Variants in CRYBB1 observed in about 807,000 individuals in gnomAD.
The protein encoded by CRYBB1 is beta-crystallin B1.
A neutral mutation model predicts 29.5 loss-of-function variants in CRYBB1; 16 were observed. The ratio of observed to expected loss-of-function variants is 0.54; its 90% CI spans 0.37 to 0.82. The LOEUF (loss-of-function observed/expected upper bound fraction) is 0.82. Ranked by LOEUF, CRYBB1 falls within the 40% of genes least tolerant of loss-of-function variation. CRYBB1 has a pLI of 0.00. For missense variants in CRYBB1, 300 were observed against 350.5 expected (o/e 0.86, Z 1.15); for synonymous variants, 127 against 136.7 (o/e 0.93, Z 0.49).
At chr22:26,604,349 C>T (rs563279354) in intron 4 of CRYBB1, among the ~76,000 whole-genome samples, 12 of 152,162 alleles carry the variant, frequency 7.9e-5, no homozygotes, top group Middle Eastern at 3.2e-3. Context: ...ATACCCAGTA[C>T]GTAGTTGGTG....
intron 4 of CRYBB1, among the ~76,000 whole-genome samples, chr22:26,604,696 G>A (rs1030011981): frequency 3.3e-5 from 5 of 152,196 alleles, no homozygotes; most frequent in African/African-American, 1.2e-4. Context: ...GTGTGGCCAG[G>A]GTGCAGGAAG....
At position 26,612,055 on chromosome 22, in the gene CRYBB1, C is replaced by T. The variant is rs116534812; in HGVS notation, c.299+17G>A. On this transcript the variant is annotated intron_variant, in intron 3 of 5. Transcript: ENST00000647684. ...TACTGTGGCAGAGAGTGTGCCCCTCCGCCGCCCAGTACTCACGGTCCCGCG... is the reference window on the plus strand; with the variant it reads ...TACTGTGGCAGAGAGTGTGCCCCTCTGCCGCCCAGTACTCACGGTCCCGCG... 3.8e-5 allele frequency: 60 copies of T among 1,571,268 alleles called. No homozygotes were observed. Among genetic ancestry groups the T allele is most frequent in the South Asian group, 8.9e-5 (8 of 90,208 alleles).
In CRYBB1 at chr22:26,600,592, C is replaced by T. The variant is rs550852183; in HGVS notation, c.576-919G>A. Among the ~76,000 whole-genome samples the T allele has an allele frequency of 2.0e-5, 3 of 152,226 alleles. No individual in the cohort carries two copies. In the South Asian group the frequency reaches 6.2e-4, roughly 32 times the overall value. ...TCTGTACAGTGGGGATGATAATGCA[C>T]CCACCTCCTTGGTTTGTTATGAAGA... On this transcript the variant is annotated intron_variant, in intron 5 of 5. Transcript: ENST00000647684.
intron 4 of CRYBB1, among the ~76,000 whole-genome samples, chr22:26,603,495 A>G (rs995598636): frequency 6.6e-6 from 1 of 151,818 alleles, no homozygotes; most frequent in Admixed American, 6.6e-5. Flanking sequence ...ACACCACTGC[A>G]CTCCAGCCTG....
intron 4 of CRYBB1, among the ~76,000 whole-genome samples, chr22:26,604,613 G>C (rs1208945136): frequency 7.9e-5 from 12 of 152,124 alleles, no homozygotes; most frequent in Admixed American, 3.9e-4. Flanking sequence ...AGGGAAGGAG[G>C]GTTGAGGGAA....
intron 2 of CRYBB1, among the ~76,000 whole-genome samples, chr22:26,612,542 A>G (rs1313928464): frequency 6.6e-6 from 1 of 152,164 alleles, no homozygotes; most frequent in African/African-American, 2.4e-5. Flanking sequence ...TTGTAGAGAC[A>G]GGATTTTGCC....
intron 2 of CRYBB1, among the ~76,000 whole-genome samples, chr22:26,615,212 C>G (rs1310406227): frequency 6.6e-6 from 1 of 152,150 alleles, no homozygotes; most frequent in East Asian, 1.9e-4. Context: ...GAAACCACAC[C>G]AAACCAAATC....
intron 3 of CRYBB1, 89 bp from the exon 4 acceptor site, chr22:26,608,110 A>G (rs1180797140): frequency 1.1e-5 from 17 of 1,604,444 alleles, no homozygotes; most frequent in African/African-American, 8.0e-5. Flanking sequence ...CTCCCCTGGC[A>G]AGGCAGCCCT....
Position 26,607,929 on chromosome 22 carries a change from T to C in CRYBB1, c.392A>G (p.Tyr131Cys). ...YPRWNTWSSS[Y>C]RSDRLMSFRP... The stretch of plus-strand genomic sequence containing the variant: ...GAAGGACATGAGCCGATCACTGCGG[T>C]AGCTGCTCGACCATGTGTTCCAGCG... Residue 131 changes from tyrosine to cysteine, a missense_variant, in exon 4 of 6, where the codon TAC (tyrosine) becomes TGC (cysteine). Physicochemically the swap from Tyr to Cys is radical, Grantham distance 194. Transcript: ENST00000647684. 6.2e-7 allele frequency: 1 copy of C among 1,614,222 alleles called. No individual in the cohort carries two copies. Among genetic ancestry groups the C allele is most frequent in the South Asian group, 1.1e-5 (1 of 91,090 alleles).
chr22:26,602,106 C>A, intron 4 of CRYBB1, 85 bp from the exon 5 acceptor site: 1 of 1,548,180 alleles, frequency 6.5e-7, no homozygotes, highest in African/African-American at 1.4e-5. Context: ...GGGTGTGGAG[C>A]GAGAGAGATG....
Position 26,607,962 on chromosome 22 carries a change from T to C in CRYBB1, c.359A>G (p.Glu120Gly). The C allele has an allele frequency of 1.2e-6, 2 of 1,614,220 alleles. No homozygotes were observed. Among genetic ancestry groups the C allele is most frequent in the Non-Finnish European group, 1.7e-6 (2 of 1,180,036 alleles). Residue 120 changes from glutamate (E) to glycine (G), a missense_variant, in exon 4 of 6, where the codon GAG becomes GGG. Transcript: ENST00000647684. ...CGACCATGTGTTCCAGCGAGGGTACTCGCCCTTCTCCAGGATGAACATCTC... is the reference window on the plus strand; with the variant it reads ...CGACCATGTGTTCCAGCGAGGGTACCCGCCCTTCTCCAGGATGAACATCTC... ...RGEMFILEKG[E>G]YPRWNTWSSS...
intron 4 of CRYBB1, among the ~76,000 whole-genome samples, chr22:26,603,630 C>T (rs1189472730): frequency 1.3e-5 from 2 of 151,866 alleles, no homozygotes; most frequent in Non-Finnish European, 2.9e-5. Flanking sequence ...CCTGGCCGGG[C>T]GCGGTGGCTC....
chr22:26,612,226 G>T, intron 2 of CRYBB1, 36 bp from the exon 3 acceptor site: 1 of 1,420,136 alleles, frequency 7.0e-7, no homozygotes, highest in Non-Finnish European at 1.0e-6. Flanking sequence ...AGGGCAGAGT[G>T]AGGGGGGAGT....
chr22:26,614,603 C>T (rs1349762626), intron 2 of CRYBB1, among the ~76,000 whole-genome samples: 3 of 152,010 alleles, frequency 2.0e-5, no homozygotes, highest in Non-Finnish European at 2.9e-5. Flanking sequence ...GGCAGTCATG[C>T]GCAACAATAT....
chr22:26,616,792 T>C (rs1306127180), intron 1 of CRYBB1, among the ~76,000 whole-genome samples: 1 of 152,178 alleles, frequency 6.6e-6, no homozygotes, highest in African/African-American at 2.4e-5. Context: ...GAGTAGCTGC[T>C]ATCATGATCC....
At chr22:26,611,841 T>C (rs544753254) in intron 3 of CRYBB1, among the ~76,000 whole-genome samples, 1 of 152,316 alleles carries the variant, frequency 6.6e-6, no homozygotes, top group East Asian at 1.9e-4. Context: ...TTACTGCCAG[T>C]GTGATCTTAT....
At chr22:26,615,272 C>A (rs1018409635) in intron 2 of CRYBB1, among the ~76,000 whole-genome samples, 2 of 152,192 alleles carry the variant, frequency 1.3e-5, no homozygotes, top group Non-Finnish European at 2.9e-5. Flanking sequence ...GCCCAGACCA[C>A]CTCGAGCAAT....
chr22:26,599,384 C>G lies in CRYBB1; in HGVS notation c.*106G>C. ...TCAAGGCACACATCTGTTTACAGATCCAGGAGAAATTTTGGCTTTAGGGAA... is the reference window on the plus strand; with the variant it reads ...TCAAGGCACACATCTGTTTACAGATGCAGGAGAAATTTTGGCTTTAGGGAA... On this transcript the variant is annotated 3_prime_UTR_variant, in exon 6 of 6. Coordinates refer to ENST00000647684, the MANE Select transcript of CRYBB1 (RefSeq NM_001887.4). The G allele has an allele frequency of 8.9e-7, 1 of 1,119,372 alleles. No individual in the cohort carries two copies. Among genetic ancestry groups the G allele is most frequent in the Non-Finnish European group, 1.3e-6 (1 of 760,092 alleles). 69.3% of individuals were successfully genotyped at this position (1,119,372 alleles called of 1,614,324 possible).
chr22:26,612,472 C>T (rs1929207711), intron 2 of CRYBB1, among the ~76,000 whole-genome samples: 1 of 152,198 alleles, frequency 6.6e-6, no homozygotes, highest in South Asian at 2.1e-4. Context: ...AAGCGATCCT[C>T]CCACCTCAGC....
Sources: gnomAD v4.1 joint callset for allele counts (sites outside exome capture counted in the v4.1 genomes callset) on GRCh38, gnomAD v4.1.1 for gene constraint, MANE v1.5 for transcripts, NCBI Gene and HGNC (gene_info 2026-07-23, HGNC 2026-07-21) for gene names.